The following AASDHPPT variants were observed in gnomAD, a reference collection of about 807,000 sequenced individuals.
AASDHPPT encodes the protein aminoadipate-semialdehyde dehydrogenase-phosphopantetheinyl transferase.
Under a neutral mutation model 36.4 loss-of-function variants are expected in AASDHPPT, and 23 were observed. The observed-to-expected ratio is 0.63, with a 90% CI of 0.45 to 0.89. AASDHPPT has a LOEUF of 0.89. AASDHPPT is among the 40% of genes least tolerant of loss of function. The pLI is 0.00. For missense variants in AASDHPPT, 377 were observed against 378.2 expected, an observed-to-expected ratio of 1.00 and a Z score of 0.03; for synonymous variants, 115 against 128.0, an observed-to-expected ratio of 0.90 and a Z score of 0.68.
chr11:106,091,524 A>G (rs754549841), intron 4 of AASDHPPT, 47 bp downstream of exon 4: 22 of 1,521,428 alleles, frequency 1.4e-5, no homozygotes, highest in Admixed American at 6.6e-5. Flanking sequence ...TCTATTTTTT[A>G]TGCATGTATG....
chr11:106,091,436 T>G lies in AASDHPPT; in HGVS notation c.652T>G (p.Leu218Val). 1.3e-6 allele frequency: 2 copies of G among 1,599,852 alleles called. No homozygotes were observed. The highest frequency in any genetic ancestry group is 1.1e-5 in the South Asian group (1 of 87,660). ...AGGCCAAGTTTATAAAGAAACACGT[T>G]TATTCCTGGATGGAGAGGAAGAAAA... The part of the protein sequence containing the change: ...DIGQVYKETR[L>V]FLDGEEEKEW... The change falls in exon 4 of 6, where the codon TTA becomes GTA. Residue 218 changes from leucine to valine, a missense_variant. Transcript: ENST00000278618.
chr11:106,091,234 C>T, intron 3 of AASDHPPT, 82 bp from the exon 4 acceptor site: 1 of 1,248,946 alleles, frequency 8.0e-7, no homozygotes. Flanking sequence ...AGCATTGAAA[C>T]TCCCTATCTT....
At chr11:106,080,273 G>A (rs1328584968) in intron 2 of AASDHPPT, among the ~76,000 whole-genome samples, 4 of 152,150 alleles carry the variant, frequency 2.6e-5, no homozygotes, top group South Asian at 2.1e-4. Context: ...CCATAGGGCC[G>A]CATGCGCAGA....
At chr11:106,089,884 A>G (rs1861237267) in intron 2 of AASDHPPT, among the ~76,000 whole-genome samples, 1 of 152,058 alleles carries the variant, frequency 6.6e-6, no homozygotes, top group African/African-American at 2.4e-5. Flanking sequence ...ATATATTTCA[A>G]GTTTTTAAAA....
chr11:106,091,474 T>A lies in AASDHPPT; in HGVS notation c.690T>A (p.Phe230Leu). 6.4e-7 allele frequency: 1 copy of A among 1,571,828 alleles called. No individual in the cohort carries two copies. Among genetic ancestry groups the A allele is most frequent in the South Asian group, 1.2e-5 (1 of 84,238 alleles). The change falls in exon 4 of 6, where the codon TTT (phenylalanine) becomes TTA (leucine). Residue 230 changes from phenylalanine (F) to leucine (L), a missense_variant. By Grantham distance (22) the Phe-to-Leu change is conservative. Coordinates refer to ENST00000278618, the MANE Select transcript of AASDHPPT (RefSeq NM_015423.3). The stretch of plus-strand genomic sequence containing the variant: ...GAGAGGAAGAAAAAGAATGGGCATT[T>A]GAGGTAAGAAATTTGTTAGAATTGT... Reference protein sequence around the residue: ...LDGEEEKEWAFEESKIDEHHF... With the variant: ...LDGEEEKEWALEESKIDEHHF...
intron 2 of AASDHPPT, among the ~76,000 whole-genome samples, chr11:106,085,695 C>G (rs1861190731): frequency 6.6e-6 from 1 of 152,190 alleles, no homozygotes; most frequent in Admixed American, 6.5e-5. Flanking sequence ...CACATTTAAC[C>G]ATGACTTTGA....
chr11:106,095,660 T>C (rs1861305317), intron 5 of AASDHPPT: 1 of 152,188 alleles, frequency 6.6e-6, no homozygotes. Flanking sequence ...TCAATATATA[T>C]GCATCGTTAC....
intron 2 of AASDHPPT, among the ~76,000 whole-genome samples, chr11:106,087,657 T>C (rs1312013175): frequency 6.6e-6 from 1 of 152,138 alleles, no homozygotes; most frequent in Non-Finnish European, 1.5e-5. Flanking sequence ...AGGCCTGAAA[T>C]AGTTGCTCAA....
rs138673737 is a variant in AASDHPPT at position 106,095,217 on chromosome 11, T to C, written c.765+563T>C. On this transcript the variant is annotated intron_variant, in intron 5 of 5. Coordinates refer to ENST00000278618, the MANE Select transcript of AASDHPPT (RefSeq NM_015423.3). ...TGGTAGTACTATCATGCTACTCATA[T>C]TTCCAATAGACATTCAAGATTATCT... 4.6e-5 allele frequency among the ~76,000 whole-genome samples: 7 copies of C among 152,320 alleles called. No homozygotes were observed. In the East Asian group the frequency reaches 1.4e-3, roughly 29 times the overall value.
rs765534723 is a variant in AASDHPPT at position 106,077,666 on chromosome 11, C to A, written c.-45C>A. Reference sequence around the variant, plus strand: ...GAAGGGGGTGGGGCCACGTTTGCGTCCGCGCCATCAGGCCCGAGATAGCGG... The same window carrying A: ...GAAGGGGGTGGGGCCACGTTTGCGTACGCGCCATCAGGCCCGAGATAGCGG... On this transcript the variant is annotated 5_prime_UTR_variant, in exon 1 of 6. Coordinates refer to ENST00000278618, the MANE Select transcript of AASDHPPT (RefSeq NM_015423.3). 1.9e-6 allele frequency: 3 copies of A among 1,589,766 alleles called. No homozygotes were observed. The highest frequency in any genetic ancestry group is 2.6e-6 in the Non-Finnish European group (3 of 1,164,242).
At chr11:106,091,083 T>C (rs1002353813) in intron 3 of AASDHPPT, among the ~76,000 whole-genome samples, 20 of 152,144 alleles carry the variant, frequency 1.3e-4, no homozygotes, top group African/African-American at 4.3e-4. Context: ...GGTATTGTTA[T>C]CATCATCGCA....
intron 2 of AASDHPPT, among the ~76,000 whole-genome samples, chr11:106,089,132 A>G (rs1591544924): frequency 6.6e-6 from 1 of 152,058 alleles, no homozygotes; most frequent in Non-Finnish European, 1.5e-5. Flanking sequence ...TTAGTGAGTG[A>G]TCATAATGGA....
In AASDHPPT at chr11:106,091,387, T is replaced by C. The variant is rs1193666239; in HGVS notation, c.603T>C (p.Asp201=). The part of the protein sequence containing the change: ...LGFELQRLEF[D]LSPLNLDIGQ... ...TTGAATTGCAGCGGCTTGAATTTGA[T>C]CTATCTCCATTAAACTTGGATATAG... The change falls in exon 4 of 6, where the codon GAT becomes GAC. Residue 201 remains aspartate, a synonymous_variant. Transcript: ENST00000278618. The C allele has an allele frequency of 1.2e-6, 2 of 1,610,368 alleles. No homozygotes were observed. The highest frequency in any genetic ancestry group is 1.7e-6 in the Non-Finnish European group (2 of 1,178,474).
chr11:106,091,476 A>T lies in AASDHPPT; in HGVS notation c.692A>T (p.Glu231Val). 6.4e-7 allele frequency: 1 copy of T among 1,570,136 alleles called. No homozygotes were observed. Among genetic ancestry groups the T allele is most frequent in the African/African-American group, 1.4e-5 (1 of 71,924 alleles). The change falls in exon 4 of 6, where the codon GAG (glutamate) becomes GTG (valine). Residue 231 changes from glutamate to valine, a missense_variant and splice_region_variant. By Grantham distance (121) the Glu-to-Val change is moderately radical. Coordinates refer to ENST00000278618, the MANE Select transcript of AASDHPPT (RefSeq NM_015423.3). ...GAGGAAGAAAAAGAATGGGCATTTG[A>T]GGTAAGAAATTTGTTAGAATTGTTA... is the stretch of plus-strand genomic sequence containing the variant. ...DGEEEKEWAFEESKIDEHHFV... is the reference protein window; with the variant it reads ...DGEEEKEWAFVESKIDEHHFV...
chr11:106,082,590 A>T lies in AASDHPPT; in HGVS notation c.409+2898A>T, dbSNP rs1861155476. On this transcript the variant is annotated intron_variant, in intron 2 of 5. Coordinates refer to ENST00000278618, the MANE Select transcript of AASDHPPT (RefSeq NM_015423.3). ...ATAGGTAAGAATCCACTAGGAACTC[A>T]GAGAGTCTTTTTCTTTCATGGTGCA... Among the ~76,000 whole-genome samples the T allele has an allele frequency of 2.6e-5, 4 of 152,184 alleles. No individual in the cohort carries two copies. In the South Asian group the frequency reaches 6.2e-4, roughly 24 times the overall value.
intron 4 of AASDHPPT, chr11:106,094,055 T>C (rs1861284483): frequency 6.6e-6 from 1 of 152,208 alleles, no homozygotes; most frequent in South Asian, 2.1e-4. Context: ...CCTAATCCAC[T>C]CATTAAATAT....
chr11:106,094,998 G>A (rs1861298685), intron 5 of AASDHPPT, among the ~76,000 whole-genome samples: 3 of 152,084 alleles, frequency 2.0e-5, no homozygotes, highest in Admixed American at 6.5e-5. Flanking sequence ...GGTGGCGGGC[G>A]CCTGTAATCC....
chr11:106,077,757 G>C lies in AASDHPPT; in HGVS notation c.47G>C (p.Gly16Ala). 1.9e-6 allele frequency: 3 copies of C among 1,614,160 alleles called. No homozygotes were observed. The highest frequency in any genetic ancestry group is 2.5e-6 in the Non-Finnish European group (3 of 1,180,002). ...TTCTGCTTGGTGCCATCCATGGAGG[G>C]CGTGCGCTGGGCCTTTTCCTGCGGC... is the stretch of plus-strand genomic sequence containing the variant. ...KRFCLVPSME[G>A]VRWAFSCGTW... Residue 16 changes from glycine to alanine, a missense_variant, in exon 1 of 6, where the codon GGC (glycine) becomes GCC (alanine). Gly to Ala is a moderately conservative substitution (Grantham distance 60, BLOSUM62 0). Coordinates refer to ENST00000278618, the MANE Select transcript of AASDHPPT (RefSeq NM_015423.3).
intron 4 of AASDHPPT, chr11:106,092,784 C>G (rs1861267852): frequency 2.0e-5 from 3 of 152,044 alleles, no homozygotes; most frequent in Admixed American, 2.0e-4. Flanking sequence ...ATACAATATT[C>G]AATAAATTAC....
Sources: gnomAD v4.1 joint callset for allele counts (sites outside exome capture counted in the v4.1 genomes callset) on GRCh38, gnomAD v4.1.1 for gene constraint, MANE v1.5 for transcripts, NCBI Gene and HGNC (gene_info 2026-07-23, HGNC 2026-07-21) for gene names.